Variants in CTNNA3 observed in about 807,000 individuals in gnomAD.
CTNNA3 encodes catenin alpha-3.
In CTNNA3, 76 loss-of-function variants were observed where a neutral mutation model predicts 95.7. That is an observed-to-expected ratio of 0.79 (90% CI 0.66 to 0.96). The LOEUF is 0.96. Among genes scored for constraint, CTNNA3 ranks in the 40% least tolerant of loss-of-function variants. CTNNA3 has a pLI of 0.00. For synonymous variants in CTNNA3, 431 were observed against 374.4 expected (o/e 1.15, Z -1.74); for missense variants, 1,191 against 1,089.8 (o/e 1.09, Z -1.31).
At chr10:67,516,594 A>G (rs1839821932) in intron 5 of CTNNA3, among the ~76,000 whole-genome samples, 1 of 152,210 alleles carries the variant, frequency 6.6e-6, no homozygotes, top group South Asian at 2.1e-4. Context: ...AAGATTGAAT[A>G]TATTCAAAGT....
intron 7 of CTNNA3, among the ~76,000 whole-genome samples, chr10:67,149,962 A>C (rs923256142): frequency 2.0e-5 from 3 of 152,236 alleles, no homozygotes; most frequent in Admixed American, 6.5e-5. Flanking sequence ...CACTATTCAG[A>C]AATTTTACAA....
chr10:67,663,738 C>T (rs1187396240), intron 1 of CTNNA3, among the ~76,000 whole-genome samples: 1 of 152,194 alleles, frequency 6.6e-6, no homozygotes, highest in Admixed American at 6.5e-5. Flanking sequence ...GTCCCTGGCT[C>T]ATCATGTTAA....
intron 5 of CTNNA3, among the ~76,000 whole-genome samples, chr10:67,462,409 T>C (rs1847412739): frequency 6.6e-6 from 1 of 152,198 alleles, no homozygotes. Flanking sequence ...TATCTGAATC[T>C]GTAAGTGTGT....
chr10:67,404,265 T>A (rs997172584), intron 5 of CTNNA3, among the ~76,000 whole-genome samples: 7 of 151,754 alleles, frequency 4.6e-5, no homozygotes, highest in African/African-American at 1.5e-4. Context: ...TTCACTGAGC[T>A]AAAGGAGCAC....
At chr10:67,464,424 C>G (rs1420725103) in intron 5 of CTNNA3, among the ~76,000 whole-genome samples, 1 of 152,132 alleles carries the variant, frequency 6.6e-6, no homozygotes, top group Admixed American at 6.6e-5. Flanking sequence ...GTTCATATCA[C>G]TCCTGCGGCC....
At chr10:66,913,266 G>GAAAA (rs1204338164) in intron 7 of CTNNA3, among the ~76,000 whole-genome samples, 4 of 74,532 alleles carry the variant, frequency 5.4e-5, no homozygotes, top group African/African-American at 1.9e-4. Context: ...AAAAAAAAAA[G>GAAAA]AAAAAGAAAA....
intron 15 of CTNNA3, among the ~76,000 whole-genome samples, chr10:66,010,259 T>TA (rs1289500488): frequency 6.6e-6 from 1 of 152,150 alleles, no homozygotes; most frequent in Non-Finnish European, 1.5e-5. Flanking sequence ...TCAATGACCA[T>TA]AAGGACATAT....
chr10:66,839,638 G>A (rs1376105015), intron 7 of CTNNA3, among the ~76,000 whole-genome samples: 1 of 152,076 alleles, frequency 6.6e-6, no homozygotes, highest in South Asian at 2.1e-4. Flanking sequence ...AGCAAAAAGT[G>A]TGAAATGTGA....
At chr10:67,481,930 G>T (rs1205988869) in intron 5 of CTNNA3, among the ~76,000 whole-genome samples, 2 of 151,808 alleles carry the variant, frequency 1.3e-5, no homozygotes, top group African/African-American at 4.9e-5. Flanking sequence ...TTTGTATAAG[G>T]TGTAAGGAAG....
chr10:66,650,611 A>G (rs10762084), intron 9 of CTNNA3, among the ~76,000 whole-genome samples: 100,367 of 151,966 alleles, frequency 0.66, 34,066 homozygotes, highest in East Asian at 0.95. Context: ...TCCGGAGTTC[A>G]TTCCTTCAGA....
chr10:66,998,009 C>T (rs1452614076), intron 7 of CTNNA3, among the ~76,000 whole-genome samples: 1 of 152,190 alleles, frequency 6.6e-6, no homozygotes, highest in African/African-American at 2.4e-5. Context: ...TCTAACTGGC[C>T]TCCCTGCCCA....
intron 11 of CTNNA3, among the ~76,000 whole-genome samples, chr10:66,387,212 A>T (rs891856079): frequency 2.6e-5 from 4 of 152,180 alleles, no homozygotes; most frequent in African/African-American, 9.6e-5. Context: ...CAAAGGGCTA[A>T]TATCCAGAAT....
At chr10:67,620,357 C>A in intron 2 of CTNNA3, among the ~76,000 whole-genome samples, 1 of 152,104 alleles carries the variant, frequency 6.6e-6, no homozygotes, top group Non-Finnish European at 1.5e-5. Context: ...CACTAAGTGT[C>A]CAAAGGTCAC....
chr10:66,076,548 C>G (rs185876826), intron 14 of CTNNA3, among the ~76,000 whole-genome samples: 5 of 151,712 alleles, frequency 3.3e-5, no homozygotes, highest in African/African-American at 9.6e-5. Flanking sequence ...TATATATTTG[C>G]TTTAATTAGC....
chr10:66,792,857 C>T (rs750677718), intron 7 of CTNNA3, among the ~76,000 whole-genome samples: 2 of 152,148 alleles, frequency 1.3e-5, no homozygotes, highest in Non-Finnish European at 2.9e-5. Flanking sequence ...TTAAAAGCCA[C>T]TCTATTTAGG....
At chr10:66,827,372 G>A (rs1173511406) in intron 7 of CTNNA3, among the ~76,000 whole-genome samples, 2 of 152,048 alleles carry the variant, frequency 1.3e-5, no homozygotes, top group African/African-American at 4.8e-5. Flanking sequence ...TTTCTCTCAT[G>A]CCCTGCACAA....
intron 3 of CTNNA3, among the ~76,000 whole-genome samples, chr10:67,585,411 G>T (rs1842591155): frequency 6.6e-6 from 1 of 152,146 alleles, no homozygotes; most frequent in Non-Finnish European, 1.5e-5. Context: ...AGGAGGATTA[G>T]AATTAGTGCT....
At chr10:66,460,691 G>A (rs1319169573) in intron 11 of CTNNA3, among the ~76,000 whole-genome samples, 3 of 152,086 alleles carry the variant, frequency 2.0e-5, no homozygotes, top group Non-Finnish European at 2.9e-5. Context: ...AGGCAGCATG[G>A]AATCCCATAA....
At chr10:66,940,326 T>G (rs1006658361) in intron 7 of CTNNA3, among the ~76,000 whole-genome samples, 3 of 151,944 alleles carry the variant, frequency 2.0e-5, no homozygotes, top group African/African-American at 7.3e-5. Context: ...AGGCCTCATC[T>G]CTACAAAAAA....
Sources: allele counts gnomAD v4.1 joint callset (sites outside exome capture counted in the v4.1 genomes callset), GRCh38; gene constraint gnomAD v4.1.1; transcripts MANE v1.5; gene names NCBI Gene and HGNC (gene_info 2026-07-23, HGNC 2026-07-21).